Variants in SLC18A2 observed in about 807,000 individuals in gnomAD.
The protein encoded by SLC18A2 is synaptic vesicular amine transporter.
In SLC18A2, 33 loss-of-function variants were observed where a neutral mutation model predicts 59.2. The observed-to-expected ratio is 0.56, with a 90% CI of 0.42 to 0.75. The LOEUF (loss-of-function observed/expected upper bound fraction) is 0.75, where lower values mean the gene tolerates loss of function less well. Among genes scored for constraint, SLC18A2 ranks in the 30% least tolerant of loss-of-function variants. The pLI, the probability that SLC18A2 is intolerant of heterozygous loss-of-function variation, is 0.00. For synonymous variants in SLC18A2, 228 were observed against 253.5 expected (o/e 0.90, Z 0.95); for missense variants, 569 against 668.6 (o/e 0.85, Z 1.64).
intron 10 of SLC18A2, among the ~76,000 whole-genome samples, chr10:117,260,132 C>CA (rs1482692613): frequency 6.6e-6 from 1 of 152,116 alleles, no homozygotes; most frequent in East Asian, 1.9e-4. Flanking sequence ...GTTGTTATTG[C>CA]AAAAACACCC....
chr10:117,245,818 G>C (rs1427000382), intron 3 of SLC18A2, among the ~76,000 whole-genome samples: 2 of 152,160 alleles, frequency 1.3e-5, no homozygotes, highest in Non-Finnish European at 2.9e-5. Context: ...CATGGAGCTT[G>C]AGTCGGACAG....
chr10:117,276,729 T>C (rs1230625286), intron 15 of SLC18A2, among the ~76,000 whole-genome samples: 2 of 151,660 alleles, frequency 1.3e-5, no homozygotes, highest in Non-Finnish European at 2.9e-5. Context: ...ATTTCTCACA[T>C]GTGAGGGCTT....
In SLC18A2 at chr10:117,244,324, C is replaced by G. The variant is rs1844088514; in HGVS notation, c.464+11C>G. 1 of 1,602,388 alleles carries G rather than the reference C, an allele frequency of 6.2e-7. No homozygotes were observed. The highest frequency in any genetic ancestry group is 1.3e-5 in the African/African-American group (1 of 74,448). ...ACTACTGACCAACAGGTAGGGCAGA[C>G]TACTTTAGTCAAAGAGTTTGATATT... On this transcript the variant is annotated intron_variant, in intron 3 of 15. Coordinates refer to ENST00000644641, the MANE Select transcript of SLC18A2 (RefSeq NM_003054.6).
intron 12 of SLC18A2, chr10:117,267,356 A>T: frequency 2.3e-6 from 1 of 441,880 alleles, no homozygotes; most frequent in East Asian, 3.7e-5. Flanking sequence ...TCTAGAATAA[A>T]ATCTCTTCTA....
At chr10:117,268,650 C>T (rs1165144018) in intron 13 of SLC18A2, 2 of 152,818 alleles carry the variant, frequency 1.3e-5, no homozygotes, top group Admixed American at 6.5e-5. Context: ...TCCCTCACCA[C>T]TCAGCACACC....
At chr10:117,254,264 G>A in intron 5 of SLC18A2, 133 bp downstream of exon 5, 1 of 1,146,550 alleles carries the variant, frequency 8.7e-7, no homozygotes, top group Non-Finnish European at 1.3e-6. Context: ...TTTCCTCTTG[G>A]GTTCTGCTTG....
rs1844512846 is a variant in SLC18A2, at chr10:117,277,352, ATACCATCCATCCC to A, written c.*88_*100del. On this transcript the variant is annotated 3_prime_UTR_variant, in exon 16 of 16. Transcript: ENST00000644641. Reference sequence around the variant, plus strand: ...CAACTCATCCAGAACTGTCTTAGTCATACCATCCATCCCTGGTGAAAGAGTAAAACCAAAGGTT... The same window carrying A: ...CAACTCATCCAGAACTGTCTTAGTCATGGTGAAAGAGTAAAACCAAAGGTT... 1.3e-6 allele frequency: 1 copy of A among 745,166 alleles called. No individual in the cohort carries two copies. Among genetic ancestry groups the A allele is most frequent in the Admixed American group, 2.6e-5 (1 of 38,196 alleles). 46.2% of individuals were successfully genotyped at this position (745,166 alleles called of 1,614,324 possible). A position where few individuals can be genotyped will look rare whatever the true frequency, so the allele number is the denominator to read the frequency against.
In SLC18A2 at chr10:117,266,492, G is replaced by C. The variant is rs1844350179; in HGVS notation, c.992-241G>C. Among the ~76,000 whole-genome samples the C allele has an allele frequency of 1.3e-5, 2 of 152,272 alleles. 1 individual carries two copies. Among genetic ancestry groups the C allele is most frequent in the South Asian group, 4.1e-4 (2 of 4,838 alleles). The stretch of plus-strand genomic sequence containing the variant: ...CACCACCAGCCAGAGATGGAGGCAA[G>C]ATGAAGCAGTTGATAGAGAAAGGAC... On this transcript the variant is annotated intron_variant, in intron 10 of 15. Transcript: ENST00000644641.
At position 117,277,150 on chromosome 10, in the gene SLC18A2, GCTCT is replaced by G; in HGVS notation, c.1441-9_1441-6del. 1 of 1,421,680 alleles carries G rather than the reference GCTCT, an allele frequency of 7.0e-7. No homozygotes were observed. The highest frequency in any genetic ancestry group is 9.8e-7 in the Non-Finnish European group (1 of 1,017,440). 88.1% of individuals were successfully genotyped at this position (1,421,680 alleles called of 1,614,324 possible). Reference sequence around the variant, plus strand: ...CAAGAAGTTAATATACTTGCACTTTGCTCTCTTTTAGGCTATTCTCATGGATCAC... The same window carrying G: ...CAAGAAGTTAATATACTTGCACTTTGCTTTTAGGCTATTCTCATGGATCAC... On this transcript the variant is annotated splice_region_variant and splice_polypyrimidine_tract_variant and intron_variant, in intron 15 of 15. Transcript: ENST00000644641.
chr10:117,278,920 T>A lies in SLC18A2; in HGVS notation c.*1654T>A, dbSNP rs571846611. On this transcript the variant is annotated 3_prime_UTR_variant, in exon 16 of 16. Transcript: ENST00000644641. ...TGGCTAAAAAGGCAGGCTAGTTTCT[T>A]ACTTCTACAGGGGTAGAGCCTTAAA... 1 of 152,328 alleles carries A rather than the reference T, an allele frequency of 6.6e-6. No homozygotes were observed. The highest frequency in any genetic ancestry group is 2.1e-4 in the South Asian group (1 of 4,820). 9.4% of individuals were successfully genotyped at this position (152,328 alleles called of 1,614,324 possible). A position where few individuals can be genotyped will look rare whatever the true frequency, so the allele number is the denominator to read the frequency against.
intron 3 of SLC18A2, among the ~76,000 whole-genome samples, chr10:117,251,221 C>T (rs1844158742): frequency 6.6e-6 from 1 of 152,176 alleles, no homozygotes; most frequent in South Asian, 2.1e-4. Flanking sequence ...TATTCCAGGA[C>T]AGCCCGGAAG....
chr10:117,270,956 AT>A (rs766814775), intron 15 of SLC18A2, among the ~76,000 whole-genome samples: 9 of 152,238 alleles, frequency 5.9e-5, no homozygotes, highest in Non-Finnish European at 1.3e-4. Context: ...ACTTTGGGGT[AT>A]ATGTGAACAC....
intron 10 of SLC18A2, among the ~76,000 whole-genome samples, chr10:117,266,017 G>T (rs1040946215): frequency 4.0e-5 from 6 of 149,506 alleles, no homozygotes; most frequent in Non-Finnish European, 8.9e-5. Flanking sequence ...TTGAACCTGG[G>T]AGGCAGAGGT....
At chr10:117,258,093 ACT>A (rs1248477978) in intron 10 of SLC18A2, among the ~76,000 whole-genome samples, 16 of 152,200 alleles carry the variant, frequency 1.1e-4, no homozygotes, top group Admixed American at 1.0e-3. Flanking sequence ...GGGGTGCAGA[ACT>A]CACACAGACA....
chr10:117,244,814 C>T (rs1318379629), intron 3 of SLC18A2, among the ~76,000 whole-genome samples: 2 of 152,232 alleles, frequency 1.3e-5, no homozygotes, highest in African/African-American at 4.8e-5. Context: ...GTTGGACGCA[C>T]TGGTGCGCAG....
In SLC18A2 at chr10:117,254,534, G is replaced by C. The variant is rs363415; in HGVS notation, c.700+37G>C. The C allele has an allele frequency of 2.0e-6, 3 of 1,489,234 alleles. No homozygotes were observed. The African/African-American group carries it at 4.2e-5, about 21-fold the overall frequency. 92.3% of individuals were successfully genotyped at this position (1,489,234 alleles called of 1,614,324 possible). ...CCCCGTGTAGGCAAACTGGCAAGAG[G>C]GGCCTGCCTGGTGCTGGACAGCGGC... is the stretch of plus-strand genomic sequence containing the variant. On this transcript the variant is annotated intron_variant, in intron 6 of 15. Coordinates refer to ENST00000644641, the MANE Select transcript of SLC18A2 (RefSeq NM_003054.6).
chr10:117,241,966 C>A, intron 2 of SLC18A2, 152 bp downstream of exon 2: 2 of 746,480 alleles, frequency 2.7e-6, no homozygotes, highest in Non-Finnish European at 4.1e-6. Context: ...CTCCAGGCTG[C>A]CGCGCCGGGG....
intron 3 of SLC18A2, among the ~76,000 whole-genome samples, chr10:117,252,796 T>C (rs1381996628): frequency 6.6e-6 from 1 of 152,170 alleles, no homozygotes; most frequent in Non-Finnish European, 1.5e-5. Flanking sequence ...AGACATGGCA[T>C]AGGGGAATGC....
At chr10:117,265,286 T>C (rs1674287314) in intron 10 of SLC18A2, among the ~76,000 whole-genome samples, 1 of 152,172 alleles carries the variant, frequency 6.6e-6, no homozygotes, top group South Asian at 2.1e-4. Context: ...GGTTTGATGG[T>C]AGACGTTCGT....
Sources: gnomAD v4.1 joint callset for allele counts (sites outside exome capture counted in the v4.1 genomes callset) on GRCh38, gnomAD v4.1.1 for gene constraint, MANE v1.5 for transcripts, NCBI Gene and HGNC (gene_info 2026-07-23, HGNC 2026-07-21) for gene names.